Variants in H6PD observed in about 807,000 individuals in gnomAD.
H6PD encodes the protein hexose-6-phosphate dehydrogenase/glucose 1-dehydrogenase, also known as GDH/6PGL endoplasmic bifunctional protein.
In H6PD, 48 loss-of-function variants were observed where a neutral mutation model predicts 61.2. The ratio of observed to expected loss-of-function variants is 0.78; its 90% confidence interval spans 0.62 to 1.00. H6PD has a LOEUF of 1.00. Among genes scored for constraint, H6PD ranks in the 50% least tolerant of loss-of-function variants. The pLI is 0.00. For missense variants in H6PD, 1,093 were observed against 1,065.0 expected (o/e 1.03, Z -0.37); for synonymous variants, 480 against 457.9 (o/e 1.05, Z -0.62).
In H6PD at chr1:9,264,836, G is replaced by A; in HGVS notation, c.2343G>A (p.Val781=). 6.2e-7 allele frequency: 1 copy of A among 1,612,514 alleles called. No individual in the cohort carries two copies. Among genetic ancestry groups the A allele is most frequent in the Non-Finnish European group, 8.5e-7 (1 of 1,180,042 alleles). The part of the protein sequence containing the change: ...SGVLPHSGQL[V]WYMDYDAFLG Reference sequence around the variant, plus strand: ...TCCTGCCGCACTCCGGCCAGCTGGTGTGGTACATGGACTACGACGCCTTCC... The same window carrying A: ...TCCTGCCGCACTCCGGCCAGCTGGTATGGTACATGGACTACGACGCCTTCC... Residue 781 remains valine (V), a synonymous_variant, in exon 5 of 5, where the codon GTG becomes GTA. Transcript: ENST00000377403.
At chr1:9,261,062 A>G (rs77678457) in intron 3 of H6PD, among the ~76,000 whole-genome samples, 2 of 151,820 alleles carry the variant, frequency 1.3e-5, no homozygotes, top group Non-Finnish European at 1.5e-5. Flanking sequence ...TGTACTGCCC[A>G]TTAGTCCAGG....
chr1:9,248,631 T>C (rs1641260471), intron 3 of H6PD, among the ~76,000 whole-genome samples: 2 of 124,630 alleles, frequency 1.6e-5, no homozygotes, highest in Non-Finnish European at 3.1e-5. Flanking sequence ...CCTCCGTCTC[T>C]GAAAAAGAAA....
intron 3 of H6PD, among the ~76,000 whole-genome samples, chr1:9,248,712 C>T (rs1025126015): frequency 1.3e-5 from 2 of 152,054 alleles, no homozygotes; most frequent in Non-Finnish European, 2.9e-5. Context: ...GGCGGGAGGC[C>T]AGGCAGGACT....
At position 9,268,613 on chromosome 1, in the gene H6PD, A is replaced by G. The variant is rs1638646205; in HGVS notation, c.*3744A>G. On this transcript the variant is annotated 3_prime_UTR_variant, in exon 5 of 5. Coordinates refer to ENST00000377403, the MANE Select transcript of H6PD (RefSeq NM_004285.4). ...GGGACAAATTCTCCTGCTAACTGCA[A>G]GTTAAAATAGGCCCTTCTTACTGAA... The G allele has an allele frequency of 6.6e-6, 1 of 152,248 alleles. No homozygotes were observed. The highest frequency in any genetic ancestry group is 2.4e-5 in the African/African-American group (1 of 41,470). 9.4% of individuals were successfully genotyped at this position (152,248 alleles called of 1,614,324 possible). A position where few individuals can be genotyped will look rare whatever the true frequency, so the allele number is the denominator to read the frequency against.
chr1:9,259,820 ATGTTGTTATGCTGGTGTTGTTTTGT>A (rs1641659434), intron 3 of H6PD, among the ~76,000 whole-genome samples: 1 of 120,058 alleles, frequency 8.3e-6, no homozygotes, highest in African/African-American at 2.7e-5. Context: ...CGGTGGTGTT[ATGTTGTTATGCTGGTGTTGTTTTGT>A]TGTTGTTATG....
At chr1:9,251,730 C>T (rs1464087248) in intron 3 of H6PD, among the ~76,000 whole-genome samples, 1 of 152,190 alleles carries the variant, frequency 6.6e-6, no homozygotes, top group Non-Finnish European at 1.5e-5. Context: ...GCAGAGCTGT[C>T]TGCAAGGTGA....
At chr1:9,239,819 T>C in intron 1 of H6PD, 1 of 398,318 alleles carries the variant, frequency 2.5e-6, no homozygotes, top group Non-Finnish European at 4.4e-6. Flanking sequence ...GCATAGAGGA[T>C]TAGAACTGCT....
rs1638665317 is a variant in H6PD at position 9,269,087 on chromosome 1, G to C, written c.*4218G>C. 6.6e-6 allele frequency: 1 copy of C among 152,136 alleles called. No homozygotes were observed. Among genetic ancestry groups the C allele is most frequent in the Non-Finnish European group, 1.5e-5 (1 of 68,036 alleles). 9.4% of individuals were successfully genotyped at this position (152,136 alleles called of 1,614,324 possible). ...CCTGGCAGCATCTCAGTGTCAGAGT[G>C]AGCACGGCACAGGAAAGGCCCGTGG... On this transcript the variant is annotated 3_prime_UTR_variant, in exon 5 of 5. Transcript: ENST00000377403. The surrounding 1 kb of genome is among the most constrained non-coding windows in gnomAD (Gnocchi z 4.3).
intron 1 of H6PD, among the ~76,000 whole-genome samples, chr1:9,235,843 C>T (rs1640835372): frequency 6.6e-6 from 1 of 152,230 alleles, no homozygotes; most frequent in Non-Finnish European, 1.5e-5. Flanking sequence ...AACTCCTGGG[C>T]TCAAGCGATC....
intron 1 of H6PD, among the ~76,000 whole-genome samples, chr1:9,236,211 G>A (rs1209280837): frequency 6.6e-6 from 1 of 152,052 alleles, no homozygotes; most frequent in African/African-American, 2.4e-5. Flanking sequence ...GGCTTGTCTT[G>A]AACTGCTGAC....
At chr1:9,257,969 G>A (rs1186073548) in intron 3 of H6PD, among the ~76,000 whole-genome samples, 1 of 152,258 alleles carries the variant, frequency 6.6e-6, no homozygotes, top group Non-Finnish European at 1.5e-5. Context: ...TGCTCACCGG[G>A]GTTCAGCCTC....
Position 9,270,565 on chromosome 1 carries a change from C to T in H6PD, c.*5696C>T, listed in dbSNP as rs1208369112. ...GGAAGAGCCGGCTGGCGGCAGATCC[C>T]CAGGGGCAGAGCCCCTGCTGGATCC... On this transcript the variant is annotated 3_prime_UTR_variant, in exon 5 of 5. Coordinates refer to ENST00000377403, the MANE Select transcript of H6PD (RefSeq NM_004285.4). 1 of 151,388 alleles carries T rather than the reference C, an allele frequency of 6.6e-6. No homozygotes were observed. The highest frequency in any genetic ancestry group is 1.5e-5 in the Non-Finnish European group (1 of 68,076). The allele number at this position is 151,388 out of a possible 1,614,324, so 9.4% of individuals were successfully genotyped here.
intron 1 of H6PD, among the ~76,000 whole-genome samples, chr1:9,239,026 T>C (rs1252266428): frequency 6.6e-6 from 1 of 152,088 alleles, no homozygotes; most frequent in African/African-American, 2.4e-5. Flanking sequence ...GTTTTGAGTA[T>C]TTATTACCTT....
chr1:9,246,251 C>T (rs1641172901), intron 2 of H6PD, among the ~76,000 whole-genome samples: 1 of 152,184 alleles, frequency 6.6e-6, no homozygotes, highest in African/African-American at 2.4e-5. Flanking sequence ...GCCCCATCTA[C>T]CTTTTTTCAA....
Position 9,262,927 on chromosome 1 carries a change from G to A in H6PD, c.1016-582G>A, listed in dbSNP as rs564663591. Among the ~76,000 whole-genome samples, 7 of 152,274 alleles carry A rather than the reference G, an allele frequency of 4.6e-5. No homozygotes were observed. The South Asian group carries it at 6.2e-4, about 14-fold the overall frequency. Reference sequence around the variant, plus strand: ...TTACAGGTGAGGAAACGTAAGGCTCGGTGAAGTCGTCAGAATGAACCAGGC... The same window carrying A: ...TTACAGGTGAGGAAACGTAAGGCTCAGTGAAGTCGTCAGAATGAACCAGGC... On this transcript the variant is annotated intron_variant, in intron 4 of 4. Coordinates refer to ENST00000377403, the MANE Select transcript of H6PD (RefSeq NM_004285.4).
chr1:9,247,198 G>A (rs757586376), intron 3 of H6PD, 115 bp downstream of exon 3: 37 of 786,600 alleles, frequency 4.7e-5, no homozygotes, highest in Non-Finnish European at 7.2e-5. Flanking sequence ...GTCTCCCTTC[G>A]AGCCTGCCGT....
chr1:9,239,440 T>A (rs1412772124), intron 1 of H6PD, among the ~76,000 whole-genome samples: 1 of 152,118 alleles, frequency 6.6e-6, no homozygotes, highest in Non-Finnish European at 1.5e-5. Context: ...TGAATGCAGA[T>A]CAGAGGTCAT....
At position 9,264,801 on chromosome 1, in the gene H6PD, A is replaced by G. The variant is rs1379454922; in HGVS notation, c.2308A>G (p.Ile770Val). ...RVGHEPKKWP[I>V]SGVLPHSGQL... ...GGGCCATGAGCCCAAGAAGTGGCCC[A>G]TCTCGGGTGTCCTGCCGCACTCCGG... Residue 770 changes from isoleucine to valine, a missense_variant, in exon 5 of 5, where the codon ATC becomes GTC. Physicochemically the swap from Ile to Val is conservative, Grantham distance 29 (BLOSUM62 3). Coordinates refer to ENST00000377403, the MANE Select transcript of H6PD (RefSeq NM_004285.4). 2.5e-6 allele frequency: 4 copies of G among 1,612,846 alleles called. No individual in the cohort carries two copies. The African/African-American group carries it at 4.0e-5, about 16-fold the overall frequency.
At chr1:9,260,704 C>T (rs1162631066) in intron 3 of H6PD, among the ~76,000 whole-genome samples, 1 of 152,006 alleles carries the variant, frequency 6.6e-6, no homozygotes, top group Non-Finnish European at 1.5e-5. Context: ...TGCTGTTATG[C>T]TGGTGTTGTG....
Sources: allele counts gnomAD v4.1 joint callset (sites outside exome capture counted in the v4.1 genomes callset), GRCh38; gene constraint gnomAD v4.1.1; non-coding constraint Gnocchi (gnomAD v3.1); transcripts MANE v1.5; gene names NCBI Gene and HGNC (gene_info 2026-07-23, HGNC 2026-07-21).